Variants in RYR2 observed in about 807,000 individuals in gnomAD.
The protein encoded by RYR2 is cardiac muscle ryanodine receptor-calcium release channel.
RYR2 carries 227 observed loss-of-function variants against 601.1 expected under a neutral mutation model. The observed-to-expected ratio is 0.38, with a 90% CI of 0.34 to 0.42. The LOEUF (loss-of-function observed/expected upper bound fraction) is 0.42. RYR2 is among the 10% of genes least tolerant of loss of function. The pLI is 1.00. For missense variants in RYR2, 4,646 were observed against 6,156.5 expected, an observed-to-expected ratio of 0.75 and a Z score of 8.21; for synonymous variants, 2,223 against 2,175.1, an observed-to-expected ratio of 1.02 and a Z score of -0.61.
intron 2 of RYR2, among the ~76,000 whole-genome samples, chr1:237,311,308 G>T (rs1045036332): frequency 6.6e-6 from 1 of 151,992 alleles, no homozygotes; most frequent in African/African-American, 2.4e-5. Flanking sequence ...TATCAGGAAG[G>T]TATATATGAA....
chr1:237,832,214 T>G (rs1344644475), intron 104 of RYR2, among the ~76,000 whole-genome samples: 27 of 132,792 alleles, frequency 2.0e-4, no homozygotes, highest in South Asian at 6.6e-4. Context: ...TTTTTTTGTG[T>G]TTTTTTTTTT....
intron 101 of RYR2, among the ~76,000 whole-genome samples, chr1:237,827,627 CAAAAAAAA>C (rs55896893): frequency 1.3e-5 from 1 of 79,444 alleles, no homozygotes; most frequent in South Asian, 4.3e-4. Flanking sequence ...AAGACTGTCT[CAAAAAAAA>C]AAAAAAAAAA....
In RYR2 at chr1:237,775,167, A is replaced by C. The variant is rs114500597; in HGVS notation, c.11775+1519A>C. 3.5e-3 allele frequency among the ~76,000 whole-genome samples: 534 copies of C among 152,108 alleles called. 2 individuals are homozygous for C. Among genetic ancestry groups the C allele is most frequent in the African/African-American group, 0.012 (492 of 41,532 alleles). The stretch of plus-strand genomic sequence containing the variant: ...TTTTAAAATAACAATCGTATCTGAA[A>C]TATGTATTTTGGAATAATTTTAGTA... On this transcript the variant is annotated intron_variant, in intron 87 of 104. Coordinates refer to ENST00000366574, the MANE Select transcript of RYR2 (RefSeq NM_001035.3).
chr1:237,261,980 G>A (rs1013453341), intron 1 of RYR2, among the ~76,000 whole-genome samples: 1 of 151,970 alleles, frequency 6.6e-6, no homozygotes, highest in African/African-American at 2.4e-5. Context: ...TGAGTTCGGG[G>A]ATCTTTTGTT....
At chr1:237,634,467 G>A (rs1680665138) in intron 43 of RYR2, among the ~76,000 whole-genome samples, 1 of 152,048 alleles carries the variant, frequency 6.6e-6, no homozygotes, top group South Asian at 2.1e-4. Context: ...AGGGGGGAGT[G>A]GTTGGGGAGA....
intron 12 of RYR2, among the ~76,000 whole-genome samples, chr1:237,429,136 C>T (rs1008489866): frequency 2.6e-5 from 4 of 152,240 alleles, no homozygotes; most frequent in African/African-American, 9.6e-5. Flanking sequence ...ACCCTGTCCT[C>T]CCACACTCCT....
At chr1:237,565,194 T>TCTTTCTTTCTTC (rs1671914432) in intron 27 of RYR2, among the ~76,000 whole-genome samples, 29 of 87,854 alleles carry the variant, frequency 3.3e-4, no homozygotes, top group Admixed American at 2.2e-4. Flanking sequence ...TTTCTTTCTT[T>TCTTTCTTTCTTC]CTTTCTTTCT....
chr1:237,743,674 T>C, intron 80 of RYR2: 1 of 512,750 alleles, frequency 2.0e-6, no homozygotes, highest in Non-Finnish European at 3.9e-6. Context: ...TTCGGTTTCT[T>C]GTGACATTTA....
intron 3 of RYR2, among the ~76,000 whole-genome samples, chr1:237,345,708 A>G (rs908697648): frequency 5.9e-5 from 9 of 152,090 alleles, no homozygotes; most frequent in Admixed American, 2.0e-4. Flanking sequence ...AAACTAATAC[A>G]CATTCCTAGA....
rs71180008 is a variant in RYR2, at chr1:237,213,915, C to CTT, written c.49-56559_49-56558dup. Among the ~76,000 whole-genome samples the CTT allele has an allele frequency of 9.7e-3, 634 of 65,458 alleles. 22 individuals are homozygous for CTT. Among genetic ancestry groups the CTT allele is most frequent in the African/African-American group, 0.022 (382 of 17,516 alleles). 42.9% of individuals were successfully genotyped at this position (65,458 alleles called of 152,430 possible). On this transcript the variant is annotated intron_variant, in intron 1 of 104. Coordinates refer to ENST00000366574, the MANE Select transcript of RYR2 (RefSeq NM_001035.3). ...ATTTATTATCTTTTTTTTTCTTTTT[C>CTT]TTTTTTTTTTTTTTTTTTTTTTTTA... is the stretch of plus-strand genomic sequence containing the variant.
intron 27 of RYR2, among the ~76,000 whole-genome samples, chr1:237,557,493 A>G (rs1460585699): frequency 6.6e-6 from 1 of 152,172 alleles, no homozygotes; most frequent in African/African-American, 2.4e-5. Context: ...AGAGCTTTGT[A>G]CGACCAGATG....
chr1:237,434,382 T>C (rs543191575), intron 12 of RYR2, among the ~76,000 whole-genome samples: 1 of 152,314 alleles, frequency 6.6e-6, no homozygotes, highest in African/African-American at 2.4e-5. Flanking sequence ...CTGAATAAAA[T>C]AGGAAATCAT....
intron 10 of RYR2, among the ~76,000 whole-genome samples, chr1:237,405,326 G>A (rs1463091204): frequency 6.6e-6 from 1 of 152,074 alleles, no homozygotes; most frequent in East Asian, 1.9e-4. Flanking sequence ...AGGGCAGTGG[G>A]GTGATCAACT....
chr1:237,321,808 G>A (rs1257994668), intron 2 of RYR2, among the ~76,000 whole-genome samples: 1 of 152,088 alleles, frequency 6.6e-6, no homozygotes, highest in East Asian at 1.9e-4. Flanking sequence ...CAGACTGGCT[G>A]GTGTCAGTGG....
chr1:237,808,722 A>T (rs1460980485), intron 99 of RYR2, among the ~76,000 whole-genome samples, 179 bp from the exon 100 acceptor site: 1 of 152,134 alleles, frequency 6.6e-6, no homozygotes, highest in Non-Finnish European at 1.5e-5. Context: ...TAAAGAGAAT[A>T]TGAAAATAAA....
rs1431743813 is a variant in RYR2 at position 237,528,664 on chromosome 1, T to G, written c.2823-1763T>G. Among the ~76,000 whole-genome samples, 6 of 152,302 alleles carry G rather than the reference T, an allele frequency of 3.9e-5. 1 individual carries two copies. Among genetic ancestry groups the G allele is most frequent in the African/African-American group, 7.2e-5 (3 of 41,578 alleles). On this transcript the variant is annotated intron_variant, in intron 24 of 104. Coordinates refer to ENST00000366574, the MANE Select transcript of RYR2 (RefSeq NM_001035.3). ...TATTGATGGCATAAAACACTGGCTC[T>G]CTCTCAGAAGCCCTTAAGGATGAAT...
chr1:237,343,820 T>C (rs1057227233), intron 3 of RYR2, among the ~76,000 whole-genome samples: 1 of 150,736 alleles, frequency 6.6e-6, no homozygotes, highest in African/African-American at 2.5e-5. Context: ...AGAGGTTTTT[T>C]GTTTTTTTTT....
rs551436081 is a variant in RYR2 at position 237,234,521 on chromosome 1, G to C, written c.49-35976G>C. Reference sequence around the variant, plus strand: ...GGAGTTGGCGTGTCATTGAATCTCAGGTGTTAAAATACGTTTTTATATACT... The same window carrying C: ...GGAGTTGGCGTGTCATTGAATCTCACGTGTTAAAATACGTTTTTATATACT... On this transcript the variant is annotated intron_variant, in intron 1 of 104. Transcript: ENST00000366574. Among the ~76,000 whole-genome samples, 228 of 152,152 alleles carry C rather than the reference G, an allele frequency of 1.5e-3. 1 individual carries two copies. The highest frequency in any genetic ancestry group is 2.7e-3 in the Non-Finnish European group (183 of 67,996).
At chr1:237,630,524 CTAAA>C (rs1437852858) in intron 41 of RYR2, among the ~76,000 whole-genome samples, 1 of 152,010 alleles carries the variant, frequency 6.6e-6, no homozygotes, top group African/African-American at 2.4e-5. Context: ...TTGCATATGA[CTAAA>C]TGAATAGGTG....
Sources: allele counts gnomAD v4.1 joint callset (sites outside exome capture counted in the v4.1 genomes callset), GRCh38; gene constraint gnomAD v4.1.1; transcripts MANE v1.5; gene names NCBI Gene and HGNC (gene_info 2026-07-23, HGNC 2026-07-21).